Variants in DENND1A observed in about 807,000 individuals in gnomAD.
DENND1A encodes the protein DENN domain-containing protein 1A.
DENND1A carries 51 observed loss-of-function variants against 113.7 expected under a neutral mutation model. The ratio of observed to expected loss-of-function variants is 0.45; its 90% CI spans 0.36 to 0.57. DENND1A has a LOEUF of 0.57. Among genes scored for constraint, DENND1A ranks in the 20% least tolerant of loss-of-function variants. The probability of loss-of-function intolerance (pLI) is 0.00; values close to 1 mark genes in which losing one functional copy is unlikely to be tolerated. For synonymous variants in DENND1A, 565 were observed against 570.8 expected, an observed-to-expected ratio of 0.99 and a Z score of 0.14; for missense variants, 1,258 against 1,395.9, an observed-to-expected ratio of 0.90 and a Z score of 1.57.
chr9:123,420,265 C>T (rs921571947), intron 19 of DENND1A, among the ~76,000 whole-genome samples: 2 of 152,178 alleles, frequency 1.3e-5, no homozygotes, highest in South Asian at 2.1e-4. Context: ...ATTATGATTG[C>T]CGCTCTGTAG....
At chr9:123,408,484 A>G (rs2044059996) in intron 20 of DENND1A, among the ~76,000 whole-genome samples, 1 of 152,072 alleles carries the variant, frequency 6.6e-6, no homozygotes, top group Non-Finnish European at 1.5e-5. Flanking sequence ...GTATTGTTAA[A>G]CCCATTTTAC....
intron 13 of DENND1A, among the ~76,000 whole-genome samples, chr9:123,499,095 G>A (rs1453683265): frequency 6.6e-6 from 1 of 151,794 alleles, no homozygotes; most frequent in Non-Finnish European, 1.5e-5. Context: ...GTGCAGTGTC[G>A]TGATCTTGGC....
At position 123,452,350 on chromosome 9, in the gene DENND1A, A is replaced by G. The variant is rs1371166100; in HGVS notation, c.1228-3T>C. On this transcript the variant is annotated splice_polypyrimidine_tract_variant and splice_region_variant and intron_variant, in intron 16 of 23. Transcript: ENST00000394215. ...TTCAGAATTGCTCCACTTCCTTTCTATAATAAAAATGTCAATTAGCAATTT... is the reference window on the plus strand; with the variant it reads ...TTCAGAATTGCTCCACTTCCTTTCTGTAATAAAAATGTCAATTAGCAATTT... The G allele has an allele frequency of 1.9e-6, 3 of 1,614,046 alleles. No individual in the cohort carries two copies. The highest frequency in any genetic ancestry group is 4.5e-5 in the East Asian group (2 of 44,884).
At chr9:123,460,601 G>A (rs1393889841) in intron 13 of DENND1A, among the ~76,000 whole-genome samples, 1 of 152,140 alleles carries the variant, frequency 6.6e-6, no homozygotes. Flanking sequence ...ACCCACAGTG[G>A]ACCTATCAGA....
chr9:123,774,264 T>A (rs1220789842), intron 3 of DENND1A, among the ~76,000 whole-genome samples: 1 of 152,070 alleles, frequency 6.6e-6, no homozygotes, highest in Non-Finnish European at 1.5e-5. Context: ...AAGTTGAAAG[T>A]TAAAAACAGA....
intron 11 of DENND1A, among the ~76,000 whole-genome samples, chr9:123,589,513 G>A (rs571339976): frequency 2.4e-4 from 35 of 147,078 alleles, no homozygotes; most frequent in African/African-American, 7.8e-4. Context: ...CTAGTACTGC[G>A]GCACACCGAG....
chr9:123,576,300 CAATT>C (rs764404794), intron 12 of DENND1A, among the ~76,000 whole-genome samples: 20 of 152,168 alleles, frequency 1.3e-4, no homozygotes, highest in Non-Finnish European at 2.4e-4. Context: ...TTGAAATACT[CAATT>C]AACTTTTTTA....
At position 123,542,176 on chromosome 9, in the gene DENND1A, A is replaced by G. The variant is rs184064568; in HGVS notation, c.993+15394T>C. 9.8e-5 allele frequency among the ~76,000 whole-genome samples: 15 copies of G among 152,370 alleles called. No homozygotes were observed. The East Asian group carries it at 2.9e-3, about 29-fold the overall frequency. ...TTGACATTCCTGTTAGCTCCAGGCT[A>G]AGCCCATAAAGTTTTAAATACCTCA... On this transcript the variant is annotated intron_variant, in intron 13 of 23. Transcript: ENST00000394215.
At chr9:123,493,558 T>C (rs936348661) in intron 13 of DENND1A, among the ~76,000 whole-genome samples, 1 of 152,166 alleles carries the variant, frequency 6.6e-6, no homozygotes, top group African/African-American at 2.4e-5. Flanking sequence ...CAGACACTCC[T>C]TCATCCAGAA....
chr9:123,886,792 G>A (rs1300443549), intron 1 of DENND1A, among the ~76,000 whole-genome samples: 2 of 152,172 alleles, frequency 1.3e-5, no homozygotes, highest in African/African-American at 2.4e-5. Context: ...TGCAGTCATT[G>A]TTGAGACTTG....
chr9:123,583,290 C>G lies in DENND1A; in HGVS notation c.766-20G>C. On this transcript the variant is annotated intron_variant, in intron 11 of 23. Coordinates refer to ENST00000394215, the MANE Select transcript of DENND1A (RefSeq NM_001352964.2). ...GACTTTCTGCAAGGAGAAAAAAATCCACAAGAGAAGGTCATTGAGGTGCCA... is the reference window on the plus strand; with the variant it reads ...GACTTTCTGCAAGGAGAAAAAAATCGACAAGAGAAGGTCATTGAGGTGCCA... The G allele has an allele frequency of 6.3e-7, 1 of 1,597,606 alleles. No homozygotes were observed.
chr9:123,802,631 C>T (rs1488099508), intron 2 of DENND1A, among the ~76,000 whole-genome samples: 2 of 152,238 alleles, frequency 1.3e-5, no homozygotes, highest in East Asian at 3.9e-4. Flanking sequence ...TCTCTCTTTC[C>T]ATTCAACCCC....
Position 123,422,548 on chromosome 9 carries a change from G to A in DENND1A, c.1489-10719C>T, listed in dbSNP as rs2045390753. 6.6e-6 allele frequency among the ~76,000 whole-genome samples: 1 copy of A among 151,346 alleles called. No homozygotes were observed. Among genetic ancestry groups the A allele is most frequent in the East Asian group, 1.9e-4 (1 of 5,170 alleles). ...CCTTCCCTCAGAACAAATGGACGGAGAACCTGGTTTTAAAATTCCTGGACC... is the reference window on the plus strand; with the variant it reads ...CCTTCCCTCAGAACAAATGGACGGAAAACCTGGTTTTAAAATTCCTGGACC... On this transcript the variant is annotated intron_variant, in intron 19 of 23. Coordinates refer to ENST00000394215, the MANE Select transcript of DENND1A (RefSeq NM_001352964.2). The surrounding 1 kb of genome is among the most constrained non-coding windows in gnomAD (Gnocchi z 4.8).
intron 12 of DENND1A, 83 bp downstream of exon 12, chr9:123,583,086 C>T: frequency 2.0e-6 from 2 of 1,023,682 alleles, no homozygotes; most frequent in Admixed American, 2.2e-5. Flanking sequence ...CGCTATTTCC[C>T]CTCCTTCCCC....
chr9:123,434,077 C>T (rs566106543), intron 19 of DENND1A, among the ~76,000 whole-genome samples: 5 of 152,304 alleles, frequency 3.3e-5, no homozygotes, highest in East Asian at 1.9e-4. Context: ...CCCAGGCTGG[C>T]GTGCGGTGGC....
chr9:123,861,332 A>C (rs1298131284), intron 2 of DENND1A, among the ~76,000 whole-genome samples: 1 of 152,234 alleles, frequency 6.6e-6, no homozygotes, highest in Non-Finnish European at 1.5e-5. Context: ...TCCTGAAAAG[A>C]AAAACTGACA....
chr9:123,660,996 A>G (rs1455269451), intron 8 of DENND1A, among the ~76,000 whole-genome samples: 1 of 152,240 alleles, frequency 6.6e-6, no homozygotes, highest in African/African-American at 2.4e-5. Context: ...CGATGTATAA[A>G]ACAGCCCCAT....
chr9:123,873,577 T>A (rs944912423), intron 2 of DENND1A, among the ~76,000 whole-genome samples: 1 of 152,230 alleles, frequency 6.6e-6, no homozygotes, highest in African/African-American at 2.4e-5. Context: ...ATGTTTTAAG[T>A]ACAGACATAG....
At chr9:123,655,736 G>A (rs2062911099) in intron 8 of DENND1A, among the ~76,000 whole-genome samples, 1 of 152,216 alleles carries the variant, frequency 6.6e-6, no homozygotes, top group Non-Finnish European at 1.5e-5. Context: ...GACTTCCGCG[G>A]CAGGCTGTCC....
Sources: gnomAD v4.1 joint callset for allele counts (sites outside exome capture counted in the v4.1 genomes callset) on GRCh38, gnomAD v4.1.1 for gene constraint, Gnocchi (gnomAD v3.1) non-coding constraint, MANE v1.5 for transcripts, NCBI Gene and HGNC (gene_info 2026-07-23, HGNC 2026-07-21) for gene names.